HYAL3: variants seen among roughly 807,000 people sequenced by gnomAD.
HYAL3 encodes the protein hyaluronidase-3.
Under a neutral mutation model 29.6 loss-of-function variants are expected in HYAL3, and 25 were observed. The observed-to-expected ratio is 0.85, with a 90% CI of 0.62 to 1.18. HYAL3 has a LOEUF of 1.18. Among genes scored for constraint, HYAL3 ranks in the 50% most tolerant of loss-of-function variants. The pLI is 0.00. For synonymous variants in HYAL3, 215 were observed against 218.3 expected (o/e 0.99, Z 0.13); for missense variants, 442 against 548.4 (o/e 0.81, Z 1.94).
chr3:50,296,746 G>A lies in HYAL3; in HGVS notation c.-17-1127C>T, dbSNP rs782709893. 3.1e-6 allele frequency: 5 copies of A among 1,609,620 alleles called. No homozygotes were observed. In the African/African-American group the frequency reaches 4.0e-5, roughly 13 times the overall value. On this transcript the variant is annotated intron_variant, in intron 1 of 3. Transcript: ENST00000336307. ...GGTAGGGGAGGGGGTGGTGGCAATG[G>A]AGGTCCCTTGGGACCCCTTGGGGCA...
chr3:50,295,625 GGA>G lies in HYAL3; in HGVS notation c.-17-8_-17-7del. 2.6e-6 allele frequency: 4 copies of G among 1,522,270 alleles called. No homozygotes were observed. Among genetic ancestry groups the G allele is most frequent in the Non-Finnish European group, 3.5e-6 (4 of 1,135,390 alleles). The allele number at this position is 1,522,270 out of a possible 1,614,324, so 94.3% of individuals were successfully genotyped here. ...CATTCCCCAAGGATGGAAACCTGCA[GGA>G]GAGAGGGGGGTGTAAGCTTAGAGTC... On this transcript the variant is annotated splice_polypyrimidine_tract_variant and splice_region_variant and intron_variant, in intron 1 of 3. Transcript: ENST00000336307.
intron 1 of HYAL3, chr3:50,296,770 C>T: frequency 6.3e-7 from 1 of 1,597,116 alleles, no homozygotes; most frequent in Non-Finnish European, 8.5e-7. Context: ...CCCCTTGGGG[C>T]AGCTTGGGCA....
Position 50,295,116 on chromosome 3 carries a change from G to C in HYAL3, c.487C>G (p.Gln163Glu). 1 of 1,613,622 alleles carries C rather than the reference G, an allele frequency of 6.2e-7. No individual in the cohort carries two copies. The change falls in exon 2 of 4, where the codon CAG (glutamine) becomes GAG (glutamate). Residue 163 changes from glutamine (Q) to glutamate (E), a missense_variant. By Grantham distance (29) the Gln-to-Glu change is conservative (BLOSUM62 2). Transcript: ENST00000336307. Reference protein sequence around the residue: ...AQQVFPDLDPQEQLYKAYTGF... With the variant: ...AQQVFPDLDPEEQLYKAYTGF... ...GTATAGGCCTTGTAGAGCTGCTCCT[G>C]AGGGTCCAGGTCAGGGAATACCTGC...
intron 2 of HYAL3, among the ~76,000 whole-genome samples, chr3:50,294,308 T>C (rs781967167): frequency 2.6e-5 from 4 of 152,076 alleles, no homozygotes; most frequent in Non-Finnish European, 5.9e-5. Flanking sequence ...TCAAATGTTT[T>C]TTTGGTAGAG....
rs1366618609 is a variant in HYAL3 at position 50,295,202 on chromosome 3, A to G, written c.401T>C (p.Leu134Pro). ...GCGGCGGCCCCAGTTCCCAGCCCAG[A>G]GTGGACACCACTCCTCCCAATCCAG... ...AVLDWEEWCPLWAGNWGRRRA... is the reference protein window; with the variant it reads ...AVLDWEEWCPPWAGNWGRRRA... Residue 134 changes from leucine to proline, a missense_variant, in exon 2 of 4, where the codon CTC becomes CCC. Leu to Pro is a moderately conservative substitution (Grantham distance 98). Coordinates refer to ENST00000336307, the MANE Select transcript of HYAL3 (RefSeq NM_003549.4). 1 of 1,613,360 alleles carries G rather than the reference A, an allele frequency of 6.2e-7. No homozygotes were observed. Among genetic ancestry groups the G allele is most frequent in the Non-Finnish European group, 8.5e-7 (1 of 1,180,026 alleles).
chr3:50,298,869 G>A (rs868925604), intron 1 of HYAL3: 3 of 1,290,802 alleles, frequency 2.3e-6, no homozygotes, highest in African/African-American at 3.0e-5. Flanking sequence ...CTAGAGGGAG[G>A]AAGCCCCAGG....
Position 50,297,112 on chromosome 3 carries a change from G to A in HYAL3, c.-17-1493C>T. On this transcript the variant is annotated intron_variant, in intron 1 of 3. Coordinates refer to ENST00000336307, the MANE Select transcript of HYAL3 (RefSeq NM_003549.4). This position sits in a 1 kb window ranked among gnomAD's most constrained non-coding sequence, Gnocchi z 4.3. Reference sequence around the variant, plus strand: ...AGGCGGGCATGGCCCACCACAACGGGTGCTGCTTCAAGTGTGGGGTGGGGG... The same window carrying A: ...AGGCGGGCATGGCCCACCACAACGGATGCTGCTTCAAGTGTGGGGTGGGGG... 1 of 1,559,312 alleles carries A rather than the reference G, an allele frequency of 6.4e-7. No homozygotes were observed. The highest frequency in any genetic ancestry group is 8.7e-7 in the Non-Finnish European group (1 of 1,150,916).
At chr3:50,298,784 A>T (rs1553711793) in intron 1 of HYAL3, 2 of 1,067,598 alleles carry the variant, frequency 1.9e-6, no homozygotes, top group Non-Finnish European at 2.3e-6. Flanking sequence ...CCCTCCCCTC[A>T]CCTCCCACAC....
chr3:50,296,493 A>T, intron 1 of HYAL3: 1 of 1,314,544 alleles, frequency 7.6e-7, no homozygotes, highest in Non-Finnish European at 1.0e-6. Flanking sequence ...TGCCCAGGTT[A>T]AAGCTGCCCC....
chr3:50,299,013 C>A, intron 1 of HYAL3, 200 bp downstream of exon 1: 1 of 1,487,396 alleles, frequency 6.7e-7, no homozygotes, highest in Non-Finnish European at 8.9e-7. Flanking sequence ...CGGTTTCCCC[C>A]TCCCTCCTAG....
chr3:50,293,832 A>G (rs1430984673), intron 2 of HYAL3, 111 bp from the exon 3 acceptor site: 2 of 947,276 alleles, frequency 2.1e-6, no homozygotes, highest in Admixed American at 2.0e-5. Flanking sequence ...TTCTAACTCT[A>G]CAGTAGGGAC....
chr3:50,293,306 G>A lies in HYAL3; in HGVS notation c.1194C>T (p.Tyr398=). The change falls in exon 4 of 4, where the codon TAC becomes TAT. Residue 398 remains tyrosine (Y), a synonymous_variant. Transcript: ENST00000336307. ...GDWKSFSCHC[Y]WGWAGPTCQE... ...GGCAGGTGGGGCCAGCCCAGCCCCA[G>A]TAACAGTGGCAGCTGAAGGACTTCC... The A allele has an allele frequency of 1.2e-6, 2 of 1,613,426 alleles. No individual in the cohort carries two copies. The highest frequency in any genetic ancestry group is 1.7e-6 in the Non-Finnish European group (2 of 1,180,028).
Position 50,293,529 on chromosome 3 carries a change from A to G in HYAL3, c.985-14T>C. The G allele has an allele frequency of 2.5e-6, 4 of 1,611,590 alleles. No individual in the cohort carries two copies. The highest frequency in any genetic ancestry group is 3.4e-6 in the Non-Finnish European group (4 of 1,178,130). On this transcript the variant is annotated splice_polypyrimidine_tract_variant and intron_variant, in intron 3 of 3. Transcript: ENST00000336307. ...CCAGCACTCCTCCTGAGGAGAAGGG[A>G]AGATATGTGTCAATATGCCTGCTCT...
intron 2 of HYAL3, among the ~76,000 whole-genome samples, chr3:50,294,301 A>C (rs1190369995): frequency 2.0e-5 from 3 of 152,048 alleles, no homozygotes; most frequent in African/African-American, 2.4e-5. Flanking sequence ...CTCTGTCTCA[A>C]ATGTTTTTTT....
Position 50,299,325 on chromosome 3 carries a change from G to T in HYAL3, c.-130C>A. 1 of 1,598,940 alleles carries T rather than the reference G, an allele frequency of 6.3e-7. No homozygotes were observed. Among genetic ancestry groups the T allele is most frequent in the East Asian group, 2.3e-5 (1 of 44,182 alleles). The stretch of plus-strand genomic sequence containing the variant: ...CGACAACGTTGGCCCCCAGCGGTGC[G>T]GCGGATGTTCTGCAGCCGTCGCGTC... On this transcript the variant is annotated 5_prime_UTR_variant, in exon 1 of 4. Coordinates refer to ENST00000336307, the MANE Select transcript of HYAL3 (RefSeq NM_003549.4).
At position 50,296,551 on chromosome 3, in the gene HYAL3, C is replaced by T. The variant is rs1701846241; in HGVS notation, c.-17-932G>A. On this transcript the variant is annotated intron_variant, in intron 1 of 3. Coordinates refer to ENST00000336307, the MANE Select transcript of HYAL3 (RefSeq NM_003549.4). ...TGGTCAGTGGGCTGAGGCTTGTAGA[C>T]TGTCGGGGCAGTCTATTGAACCAGA... 4.4e-6 allele frequency: 7 copies of T among 1,576,186 alleles called. No individual in the cohort carries two copies. The East Asian group carries it at 1.4e-4, about 31-fold the overall frequency.
intron 1 of HYAL3, among the ~76,000 whole-genome samples, chr3:50,298,405 T>TG (rs1559812535): frequency 6.6e-6 from 1 of 152,012 alleles, no homozygotes; most frequent in African/African-American, 2.4e-5. Flanking sequence ...TCTCCTCAGA[T>TG]GGGGCCCCAG....
chr3:50,298,269 T>C (rs1701944168), intron 1 of HYAL3, among the ~76,000 whole-genome samples: 1 of 152,138 alleles, frequency 6.6e-6, no homozygotes, highest in South Asian at 2.1e-4. Context: ...TAGTGGATCC[T>C]GGGGCCCCAC....
Position 50,297,667 on chromosome 3 carries a change from C to T in HYAL3, c.-18+1546G>A. On this transcript the variant is annotated intron_variant, in intron 1 of 3. Transcript: ENST00000336307. This position sits in a 1 kb window ranked among gnomAD's most constrained non-coding sequence, Gnocchi z 4.3. ...AGCATCTCTTCAGACCACAGTGGCT[C>T]TCCTCCTGTAGATAACAGCCATGCT... 1 of 1,401,756 alleles carries T rather than the reference C, an allele frequency of 7.1e-7. No individual in the cohort carries two copies. Among genetic ancestry groups the T allele is most frequent in the South Asian group, 1.6e-5 (1 of 61,322 alleles). The allele number at this position is 1,401,756 out of a possible 1,614,324, so 86.8% of individuals were successfully genotyped here.
Sources: gnomAD v4.1 joint callset for allele counts (sites outside exome capture counted in the v4.1 genomes callset) on GRCh38, gnomAD v4.1.1 for gene constraint, Gnocchi (gnomAD v3.1) non-coding constraint, MANE v1.5 for transcripts, NCBI Gene and HGNC (gene_info 2026-07-23, HGNC 2026-07-21) for gene names.